The following GABRA5 variants were observed in gnomAD, a reference collection of about 807,000 sequenced individuals.
GABRA5 encodes the protein gamma-aminobutyric acid type A receptor subunit alpha5, also known as gamma-aminobutyric acid receptor subunit alpha-5.
GABRA5 carries 18 observed loss-of-function variants against 47.3 expected under a neutral mutation model. The ratio of observed to expected loss-of-function variants is 0.38; its 90% CI spans 0.26 to 0.56. The LOEUF is 0.56. Ranked by LOEUF, GABRA5 falls within the 20% of genes least tolerant of loss-of-function variation. The pLI, the probability that GABRA5 is intolerant of heterozygous loss-of-function variation, is 0.71. For missense variants in GABRA5, 365 were observed against 599.3 expected (o/e 0.61, Z 4.08); for synonymous variants, 237 against 229.3 (o/e 1.03, Z -0.30).
At chr15:26,930,823 C>A (rs1003972530) in intron 7 of GABRA5, among the ~76,000 whole-genome samples, 6 of 152,180 alleles carry the variant, frequency 3.9e-5, no homozygotes, top group South Asian at 2.1e-4. Context: ...TATAGCAGCA[C>A]CCCAGTCTTG....
upstream of GABRA5, chr15:26,866,887 G>A (rs1320186056): frequency 6.6e-6 from 1 of 152,290 alleles, no homozygotes; most frequent in Non-Finnish European, 1.5e-5. Context: ...CTACAAGCGG[G>A]CGGTGGTGAC....
intron 6 of GABRA5, among the ~76,000 whole-genome samples, chr15:26,884,348 T>G (rs896526997): frequency 1.3e-5 from 2 of 152,356 alleles, no homozygotes; most frequent in Admixed American, 6.5e-5. Context: ...TTAGTCATTT[T>G]TAAAATTTTG....
rs372139942 is a variant in GABRA5, at chr15:26,880,751, C to T, written c.87-95C>T. ...GTTCTCAGATCCTCGTCTCAGGAGA[C>T]AAGCCTCCACGTGACTCCCTGGTTT... On this transcript the variant is annotated intron_variant, in intron 3 of 10. Transcript: ENST00000335625. 6.9e-5 allele frequency: 92 copies of T among 1,334,898 alleles called. No individual in the cohort carries two copies. The East Asian group carries it at 8.8e-4, about 13-fold the overall frequency. The allele number at this position is 1,334,898 out of a possible 1,614,324, so 82.7% of individuals were successfully genotyped here. A position where few individuals can be genotyped will look rare whatever the true frequency, so the allele number is the denominator to read the frequency against.
chr15:26,923,912 A>G (rs958860233), intron 7 of GABRA5, among the ~76,000 whole-genome samples: 6 of 149,236 alleles, frequency 4.0e-5, no homozygotes, highest in Non-Finnish European at 8.9e-5. Flanking sequence ...TAAAACTTCT[A>G]TTTTTTTTTC....
intron 7 of GABRA5, among the ~76,000 whole-genome samples, chr15:26,930,360 A>T (rs146013014): frequency 6.6e-6 from 1 of 152,014 alleles, no homozygotes; most frequent in African/African-American, 2.4e-5. Context: ...CTCTCCTCCC[A>T]TTTTACAATA....
chr15:26,878,150 C>T (rs1892643534), intron 3 of GABRA5, among the ~76,000 whole-genome samples: 3 of 152,254 alleles, frequency 2.0e-5, no homozygotes, highest in Admixed American at 1.3e-4. Flanking sequence ...CACATTAGTG[C>T]TCACCAAAGG....
intron 4 of GABRA5, among the ~76,000 whole-genome samples, chr15:26,881,417 A>T (rs773388149): frequency 1.3e-5 from 2 of 152,160 alleles, no homozygotes; most frequent in Non-Finnish European, 2.9e-5. Flanking sequence ...GTCATCCTTT[A>T]TATCTTTATG....
intron 6 of GABRA5, among the ~76,000 whole-genome samples, chr15:26,910,106 C>A (rs1008859314): frequency 6.6e-6 from 1 of 150,900 alleles, no homozygotes; most frequent in Non-Finnish European, 1.5e-5. Flanking sequence ...GAAGACTGGA[C>A]CAGATTGGTT....
chr15:26,942,793 C>CA (rs1894415024), intron 9 of GABRA5, among the ~76,000 whole-genome samples: 1 of 152,138 alleles, frequency 6.6e-6, no homozygotes, highest in African/African-American at 2.4e-5. Context: ...TAGATGTTAG[C>CA]AAAACAGTAG....
chr15:26,908,284 C>T (rs1370674086), intron 6 of GABRA5, among the ~76,000 whole-genome samples: 2 of 152,072 alleles, frequency 1.3e-5, no homozygotes, highest in African/African-American at 4.8e-5. Context: ...AACTATGCTC[C>T]GTGTGCATGA....
At chr15:26,914,739 T>C in intron 6 of GABRA5, 64 bp from the exon 7 acceptor site, 2 of 1,256,672 alleles carry the variant, frequency 1.6e-6, no homozygotes, top group South Asian at 2.4e-5. Context: ...TGGGACACGA[T>C]GGTGGCTCAG....
rs377620837 is a variant in GABRA5, at chr15:26,879,090, G to C, written c.87-1756G>C. Among the ~76,000 whole-genome samples, 8 of 152,322 alleles carry C rather than the reference G, an allele frequency of 5.3e-5. No individual in the cohort carries two copies. The East Asian group carries it at 7.7e-4, about 15-fold the overall frequency. On this transcript the variant is annotated intron_variant, in intron 3 of 10. Transcript: ENST00000335625. ...AGGAACATTTTCACAACAGAGAATG[G>C]AGTAGCTTAGAAAACTTTAATTTCA...
At chr15:26,907,403 C>G (rs1379413409) in intron 6 of GABRA5, among the ~76,000 whole-genome samples, 1 of 152,206 alleles carries the variant, frequency 6.6e-6, no homozygotes, top group African/African-American at 2.4e-5. Context: ...ATTCTTCTAG[C>G]TTTCTGCTGC....
intron 6 of GABRA5, among the ~76,000 whole-genome samples, chr15:26,894,500 C>T (rs1868970747): frequency 6.6e-6 from 1 of 152,170 alleles, no homozygotes; most frequent in South Asian, 2.1e-4. Context: ...TTGCGATTTC[C>T]GTGGCGTCAG....
At chr15:26,895,483 G>A (rs1159918120) in intron 6 of GABRA5, among the ~76,000 whole-genome samples, 1 of 151,984 alleles carries the variant, frequency 6.6e-6, no homozygotes, top group Non-Finnish European at 1.5e-5. Flanking sequence ...CATGCCTTAT[G>A]GAATAGAAAT....
At chr15:26,911,610 A>C (rs1055513370) in intron 6 of GABRA5, among the ~76,000 whole-genome samples, 7 of 152,122 alleles carry the variant, frequency 4.6e-5, no homozygotes, top group African/African-American at 1.7e-4. Context: ...GGAGGAATGA[A>C]CCAGGAGCTG....
At chr15:26,947,149 C>T (rs1238458454) in intron 10 of GABRA5, among the ~76,000 whole-genome samples, 1 of 152,212 alleles carries the variant, frequency 6.6e-6, no homozygotes, top group African/African-American at 2.4e-5. Flanking sequence ...GAAGCGATGG[C>T]TGCCTTGCAG....
chr15:26,890,426 A>ATTTTT lies in GABRA5; in HGVS notation c.497+6883_497+6887dup, dbSNP rs201726196. Among the ~76,000 whole-genome samples, 92 of 128,586 alleles carry ATTTTT rather than the reference A, an allele frequency of 7.2e-4. 2 individuals carry two copies. The highest frequency in any genetic ancestry group is 2.7e-3 in the African/African-American group (83 of 31,228). 84.4% of individuals were successfully genotyped at this position (128,586 alleles called of 152,430 possible). A position where few individuals can be genotyped will look rare whatever the true frequency, so the allele number is the denominator to read the frequency against. ...CATCTCAAGATTTGTAGTCACTTCA[A>ATTTTT]TTTTTTTTTTTTTTTTTTGCTTTGG... On this transcript the variant is annotated intron_variant, in intron 6 of 10. Coordinates refer to ENST00000335625, the MANE Select transcript of GABRA5 (RefSeq NM_000810.4).
chr15:26,868,918 T>C (rs377249478), intron 2 of GABRA5, 125 bp downstream of exon 2: 3 of 241,230 alleles, frequency 1.2e-5, no homozygotes, highest in African/African-American at 6.5e-5. Flanking sequence ...AAACAGAGTA[T>C]TTGAGTGGAA....
Sources: gnomAD v4.1 joint callset for allele counts (sites outside exome capture counted in the v4.1 genomes callset) on GRCh38, gnomAD v4.1.1 for gene constraint, MANE v1.5 for transcripts, NCBI Gene and HGNC (gene_info 2026-07-23, HGNC 2026-07-21) for gene names.